Variants in HLCS observed in about 807,000 individuals in gnomAD.
HLCS encodes holocarboxylase synthetase, also known as biotin--protein ligase.
Under a neutral mutation model 75.0 loss-of-function variants are expected in HLCS, and 53 were observed. The observed-to-expected ratio is 0.71, with a 90% confidence interval of 0.57 to 0.89. The LOEUF is 0.89. Among genes scored for constraint, HLCS ranks in the 40% least tolerant of loss-of-function variants. HLCS has a pLI of 0.00. For synonymous variants in HLCS, 431 were observed against 428.6 expected, an observed-to-expected ratio of 1.01 and a Z score of -0.07; for missense variants, 966 against 1,074.0, an observed-to-expected ratio of 0.90 and a Z score of 1.41.
intron 2 of HLCS, among the ~76,000 whole-genome samples, chr21:36,960,832 G>T (rs1222708405): frequency 6.6e-6 from 1 of 152,194 alleles, no homozygotes; most frequent in African/African-American, 2.4e-5. Context: ...TCAGGGCATG[G>T]ACTGCACCTG....
chr21:36,863,355 T>A (rs1158785884), intron 6 of HLCS, among the ~76,000 whole-genome samples: 1 of 150,964 alleles, frequency 6.6e-6, no homozygotes, highest in Non-Finnish European at 1.5e-5. Context: ...TGAGAAGGAA[T>A]CAGATGGAAA....
intron 6 of HLCS, among the ~76,000 whole-genome samples, chr21:36,847,671 C>A (rs2062843418): frequency 6.6e-6 from 1 of 152,142 alleles, no homozygotes; most frequent in South Asian, 2.1e-4. Flanking sequence ...AGAAAAACAG[C>A]AGAAAGAGGA....
chr21:36,933,053 G>A (rs1215868166), intron 4 of HLCS, among the ~76,000 whole-genome samples: 3 of 152,214 alleles, frequency 2.0e-5, no homozygotes, highest in African/African-American at 7.2e-5. Context: ...GGGAGGCAGA[G>A]GTTGCAGTGA....
intron 1 of HLCS, chr21:36,972,227 C>T (rs1293682399): frequency 2.0e-5 from 3 of 152,144 alleles, no homozygotes; most frequent in Non-Finnish European, 2.9e-5. Flanking sequence ...GTGGGAGCTA[C>T]AGACTTCTAT....
chr21:36,776,237 A>G (rs961106273), intron 6 of HLCS, among the ~76,000 whole-genome samples: 1 of 152,090 alleles, frequency 6.6e-6, no homozygotes, highest in African/African-American at 2.4e-5. Context: ...TTTTTACCAT[A>G]TATGTTTTGT....
At chr21:36,769,609 G>A (rs998935696) in intron 6 of HLCS, among the ~76,000 whole-genome samples, 1 of 152,198 alleles carries the variant, frequency 6.6e-6, no homozygotes, top group Non-Finnish European at 1.5e-5. Flanking sequence ...GCAGCCGAGT[G>A]CATTCACTGT....
At chr21:36,762,597 C>T (rs572690577) in intron 8 of HLCS, among the ~76,000 whole-genome samples, 1 of 152,258 alleles carries the variant, frequency 6.6e-6, no homozygotes, top group Non-Finnish European at 1.5e-5. Flanking sequence ...CAACAGGGGC[C>T]TATTTCAATC....
chr21:36,932,073 A>G (rs2066672604), intron 4 of HLCS, among the ~76,000 whole-genome samples: 1 of 152,182 alleles, frequency 6.6e-6, no homozygotes, highest in Non-Finnish European at 1.5e-5. Context: ...TGACTCCCCC[A>G]CCAGTAGTAC....
intron 6 of HLCS, among the ~76,000 whole-genome samples, chr21:36,803,575 G>A (rs77585804): frequency 0.013 from 2,036 of 152,240 alleles, 38 homozygotes; most frequent in African/African-American, 0.047. Flanking sequence ...TCAGAGCCCC[G>A]ACAGGTTTTG....
chr21:36,936,904 C>T lies in HLCS; in HGVS notation c.982G>A (p.Glu328Lys), dbSNP rs373411061. ...DSQEALGRFH[E>K]VRSVLADCVD... Reference sequence around the variant, plus strand: ...CAGTCGGCCAGCACAGACCGGACCTCGTGGAACCGGCCGAGGGCTTCCTGG... The same window carrying T: ...CAGTCGGCCAGCACAGACCGGACCTTGTGGAACCGGCCGAGGGCTTCCTGG... Residue 328 changes from glutamate to lysine, a missense_variant, in exon 4 of 11, where the codon GAG (glutamate) becomes AAG (lysine). Glu to Lys is a moderately conservative substitution (Grantham distance 56, BLOSUM62 1). Transcript: ENST00000674895. The T allele has an allele frequency of 3.7e-6, 6 of 1,614,046 alleles. No homozygotes were observed. The African/African-American group carries it at 4.0e-5, about 11-fold the overall frequency.
intron 6 of HLCS, among the ~76,000 whole-genome samples, chr21:36,821,198 C>A (rs1443002112): frequency 6.6e-6 from 1 of 152,146 alleles, no homozygotes; most frequent in Non-Finnish European, 1.5e-5. Context: ...CGAGCTGACA[C>A]CACCTTGGGC....
intron 5 of HLCS, among the ~76,000 whole-genome samples, chr21:36,912,084 A>AG (rs2065742083): frequency 6.6e-6 from 1 of 152,036 alleles, no homozygotes; most frequent in Non-Finnish European, 1.5e-5. Context: ...AAAAAAAAAA[A>AG]AAAAATTAAA....
chr21:36,877,192 T>C (rs2146257037), intron 6 of HLCS, among the ~76,000 whole-genome samples: 1 of 152,358 alleles, frequency 6.6e-6, no homozygotes, highest in African/African-American at 2.4e-5. Flanking sequence ...AAAAAATCCA[T>C]TCTAACATTT....
chr21:36,824,859 G>C (rs1020835487), intron 6 of HLCS, among the ~76,000 whole-genome samples: 1 of 152,124 alleles, frequency 6.6e-6, no homozygotes, highest in Non-Finnish European at 1.5e-5. Context: ...CTGAAGAGAC[G>C]GCAGCCAAAT....
chr21:36,793,478 T>G (rs997696469), intron 6 of HLCS, among the ~76,000 whole-genome samples: 55 of 152,050 alleles, frequency 3.6e-4, no homozygotes, highest in African/African-American at 1.3e-3. Flanking sequence ...ATTTTTGTAT[T>G]TTTAGTAGAG....
rs796121268 is a variant in HLCS at position 36,940,701 on chromosome 21, T to C, written c.331-1707A>G. On this transcript the variant is annotated intron_variant, in intron 2 of 10. Coordinates refer to ENST00000674895, the MANE Select transcript of HLCS (RefSeq NM_001352514.2). ...ACGCCACTTCTGCCCCCAGGGTCCT[T>C]GCTCATCCAAGCAACTTGGGTTTCA... Among the ~76,000 whole-genome samples, 63 of 152,302 alleles carry C rather than the reference T, an allele frequency of 4.1e-4. 1 individual carries two copies. Among genetic ancestry groups the C allele is most frequent in the African/African-American group, 1.5e-3 (63 of 41,576 alleles).
At chr21:36,793,835 C>T (rs1349207027) in intron 6 of HLCS, among the ~76,000 whole-genome samples, 3 of 152,078 alleles carry the variant, frequency 2.0e-5, no homozygotes, top group East Asian at 3.9e-4. Context: ...CAATATTGTC[C>T]CTTTACGGCC....
At chr21:36,875,570 C>T (rs1855044933) in intron 6 of HLCS, among the ~76,000 whole-genome samples, 1 of 152,208 alleles carries the variant, frequency 6.6e-6, no homozygotes, top group African/African-American at 2.4e-5. Context: ...AGGAGCTACA[C>T]ACTACAGGTC....
chr21:36,769,168 C>T (rs1224071413), intron 6 of HLCS, among the ~76,000 whole-genome samples: 1 of 152,144 alleles, frequency 6.6e-6, no homozygotes, highest in Non-Finnish European at 1.5e-5. Flanking sequence ...CACTAAACTG[C>T]TAGAGGTTTG....
Sources: gnomAD v4.1 joint callset for allele counts (sites outside exome capture counted in the v4.1 genomes callset) on GRCh38, gnomAD v4.1.1 for gene constraint, MANE v1.5 for transcripts, NCBI Gene and HGNC (gene_info 2026-07-23, HGNC 2026-07-21) for gene names.